The following PLCB1 variants were observed in gnomAD, a reference collection of about 807,000 sequenced individuals.
PLCB1 encodes the protein phospholipase C beta 1, also known as 1-phosphatidylinositol 4,5-bisphosphate phosphodiesterase beta-1.
In PLCB1, 46 loss-of-function variants were observed where a neutral mutation model predicts 161.8. The observed-to-expected ratio is 0.28, with a 90% CI of 0.22 to 0.36. The LOEUF is 0.36. Among genes scored for constraint, PLCB1 ranks in the 10% least tolerant of loss-of-function variants. PLCB1 has a pLI of 1.00. For synonymous variants in PLCB1, 517 were observed against 503.7 expected, an observed-to-expected ratio of 1.03 and a Z score of -0.35; for missense variants, 1,016 against 1,472.5, an observed-to-expected ratio of 0.69 and a Z score of 5.07.
intron 24 of PLCB1, among the ~76,000 whole-genome samples, chr20:8,759,201 C>CA (rs1260516234): frequency 6.6e-6 from 1 of 152,120 alleles, no homozygotes; most frequent in Non-Finnish European, 1.5e-5. Flanking sequence ...AGGTTGAGGG[C>CA]ATGCATTTTG....
chr20:8,624,564 A>C (rs1375178772), intron 3 of PLCB1, among the ~76,000 whole-genome samples: 1 of 152,134 alleles, frequency 6.6e-6, no homozygotes, highest in Non-Finnish European at 1.5e-5. Flanking sequence ...TATTCCTTCC[A>C]TTAATTTTGA....
chr20:8,753,064 T>A (rs1221669552), intron 23 of PLCB1, among the ~76,000 whole-genome samples: 1 of 152,054 alleles, frequency 6.6e-6, no homozygotes, highest in Non-Finnish European at 1.5e-5. Flanking sequence ...TATTGTGAAC[T>A]GCACATGTGA....
chr20:8,744,791 G>A (rs1485648547), intron 23 of PLCB1, among the ~76,000 whole-genome samples: 1 of 151,962 alleles, frequency 6.6e-6, no homozygotes, highest in Non-Finnish European at 1.5e-5. Context: ...ATGACTAGGG[G>A]AAAATGTCAC....
chr20:8,577,728 C>T (rs962957535), intron 3 of PLCB1, among the ~76,000 whole-genome samples: 1 of 152,038 alleles, frequency 6.6e-6, no homozygotes, highest in Admixed American at 6.6e-5. Flanking sequence ...GGCAATAAAC[C>T]ATGCCAGTTC....
chr20:8,184,548 C>T (rs1316287562), intron 2 of PLCB1, among the ~76,000 whole-genome samples: 1 of 151,772 alleles, frequency 6.6e-6, no homozygotes, highest in Non-Finnish European at 1.5e-5. Context: ...GAGGCTTCTG[C>T]CCTGCTAGGA....
intron 2 of PLCB1, among the ~76,000 whole-genome samples, chr20:8,196,852 T>C (rs557601935): frequency 3.3e-5 from 5 of 151,600 alleles, no homozygotes; most frequent in South Asian, 2.1e-4. Context: ...CAGTGTGTGA[T>C]GTCCCCCTTC....
At chr20:8,306,608 C>T (rs765492364) in intron 2 of PLCB1, among the ~76,000 whole-genome samples, 13 of 152,136 alleles carry the variant, frequency 8.5e-5, no homozygotes, top group Non-Finnish European at 1.9e-4. Context: ...GTCTGTAATG[C>T]GAATAGCCTA....
chr20:8,251,779 A>G (rs866212761), intron 2 of PLCB1, among the ~76,000 whole-genome samples: 2 of 151,938 alleles, frequency 1.3e-5, no homozygotes, highest in Non-Finnish European at 2.9e-5. Flanking sequence ...CCTCTCCCCA[A>G]AAAGCCTTCA....
intron 2 of PLCB1, among the ~76,000 whole-genome samples, chr20:8,152,500 A>G (rs1369212736): frequency 6.6e-6 from 1 of 152,120 alleles, no homozygotes; most frequent in Non-Finnish European, 1.5e-5. Flanking sequence ...TTTTTTGCAT[A>G]AGATCATTTG....
chr20:8,770,179 C>T (rs2146198492), intron 26 of PLCB1, among the ~76,000 whole-genome samples: 1 of 152,306 alleles, frequency 6.6e-6, no homozygotes, highest in Non-Finnish European at 1.5e-5. Flanking sequence ...GCCTCGATCT[C>T]CTGACCTCGT....
intron 3 of PLCB1, among the ~76,000 whole-genome samples, chr20:8,546,795 A>C (rs76188943): frequency 7.8e-6 from 1 of 128,216 alleles, no homozygotes; most frequent in Admixed American, 7.4e-5. Context: ...CCCTCTTGAC[A>C]AAAAAAAAAA....
chr20:8,408,592 C>T (rs1040742826), intron 3 of PLCB1, among the ~76,000 whole-genome samples: 1 of 151,910 alleles, frequency 6.6e-6, no homozygotes, highest in Admixed American at 6.6e-5. Context: ...AAATCAGATG[C>T]ATGGGACATA....
intron 2 of PLCB1, among the ~76,000 whole-genome samples, chr20:8,314,098 G>A (rs2745770): frequency 0.08 from 12,237 of 152,050 alleles, 1,374 homozygotes; most frequent in African/African-American, 0.26. Flanking sequence ...CTTTGTCTCT[G>A]CCAACATTAT....
intron 31 of PLCB1, among the ~76,000 whole-genome samples, chr20:8,829,469 C>G (rs1985877753): frequency 6.6e-6 from 1 of 152,206 alleles, no homozygotes; most frequent in African/African-American, 2.4e-5. Flanking sequence ...GATTTCTGAG[C>G]CCGATCTTTA....
rs192586171 is a variant in PLCB1 at position 8,686,374 on chromosome 20, C to T, written c.1009+1296C>T. Among the ~76,000 whole-genome samples, 430 of 152,166 alleles carry T rather than the reference C, an allele frequency of 2.8e-3. 6 individuals carry two copies. The highest frequency in any genetic ancestry group is 4.2e-3 in the Non-Finnish European group (285 of 68,004). ...ACTCAAAAATACTTAAATATATGTC[C>T]GGTTGAATTTTGGGTATTGTGTGTG... On this transcript the variant is annotated intron_variant, in intron 10 of 31. Transcript: ENST00000338037.
At chr20:8,375,339 C>A (rs1031540163) in intron 3 of PLCB1, among the ~76,000 whole-genome samples, 3 of 152,082 alleles carry the variant, frequency 2.0e-5, no homozygotes, top group African/African-American at 7.2e-5. Flanking sequence ...TCAAAAAGAT[C>A]TTTGCTTTTA....
intron 31 of PLCB1, among the ~76,000 whole-genome samples, chr20:8,840,494 G>T (rs1439711356): frequency 6.6e-6 from 1 of 152,174 alleles, no homozygotes; most frequent in Non-Finnish European, 1.5e-5. Context: ...AATGAGTTAG[G>T]TCTTGCAGGA....
chr20:8,748,467 C>T (rs561116999), intron 23 of PLCB1, among the ~76,000 whole-genome samples: 29 of 152,278 alleles, frequency 1.9e-4, no homozygotes, highest in East Asian at 9.6e-4. Flanking sequence ...GCTGCTTTTA[C>T]GAATATCCTC....
intron 2 of PLCB1, among the ~76,000 whole-genome samples, chr20:8,192,533 A>G (rs953883215): frequency 6.6e-5 from 10 of 151,586 alleles, no homozygotes; most frequent in Non-Finnish European, 1.5e-4. Context: ...TTAAGAATGC[A>G]ACATCATCTG....
Sources: allele counts gnomAD v4.1 joint callset (sites outside exome capture counted in the v4.1 genomes callset), GRCh38; gene constraint gnomAD v4.1.1; transcripts MANE v1.5; gene names NCBI Gene and HGNC (gene_info 2026-07-23, HGNC 2026-07-21).